Variants in FOXP1 observed in about 807,000 individuals in gnomAD.
The protein encoded by FOXP1 is forkhead box P1.
A neutral mutation model predicts 98.2 loss-of-function variants in FOXP1; 15 were observed. The observed-to-expected ratio is 0.15, with a 90% confidence interval of 0.10 to 0.24. The LOEUF is 0.24. Ranked by LOEUF, FOXP1 falls within the 10% of genes least tolerant of loss-of-function variation. The pLI is 1.00. For missense variants in FOXP1, 633 were observed against 848.5 expected (o/e 0.75, Z 3.15); for synonymous variants, 371 against 314.5 (o/e 1.18, Z -1.90).
intron 6 of FOXP1, among the ~76,000 whole-genome samples, chr3:71,154,660 T>C (rs957349284): frequency 1.3e-5 from 2 of 152,202 alleles, no homozygotes; most frequent in African/African-American, 4.8e-5. Flanking sequence ...TGTGTGACCT[T>C]GGGCAAGTCA....
chr3:71,160,163 A>G (rs1560041830), intron 6 of FOXP1, among the ~76,000 whole-genome samples: 2 of 152,146 alleles, frequency 1.3e-5, no homozygotes, highest in Non-Finnish European at 2.9e-5. Context: ...CTGGTTTTCA[A>G]TTGACACTGC....
At chr3:71,171,731 C>T (rs2061664026) in intron 6 of FOXP1, among the ~76,000 whole-genome samples, 1 of 152,240 alleles carries the variant, frequency 6.6e-6, no homozygotes, top group Admixed American at 6.5e-5. Flanking sequence ...GAGACACAGA[C>T]TGGAAAATGT....
At chr3:71,535,596 C>T (rs2044226552) in intron 2 of FOXP1, among the ~76,000 whole-genome samples, 1 of 152,150 alleles carries the variant, frequency 6.6e-6, no homozygotes, top group African/African-American at 2.4e-5. Flanking sequence ...GACGTGGTGG[C>T]GTGCACCTGT....
intron 5 of FOXP1, among the ~76,000 whole-genome samples, chr3:71,281,039 C>CCAAAA (rs1553816158): frequency 6.0e-5 from 5 of 83,542 alleles, no homozygotes; most frequent in African/African-American, 1.4e-4. Flanking sequence ...CCCTTCTCTA[C>CCAAAA]AAAAAAAAAA....
chr3:71,252,264 T>G (rs1382116834), intron 5 of FOXP1, among the ~76,000 whole-genome samples: 1 of 152,186 alleles, frequency 6.6e-6, no homozygotes, highest in Non-Finnish European at 1.5e-5. Context: ...AGAGCTTCCC[T>G]AACCCCACAC....
At chr3:71,151,145 C>T (rs1352764622) in intron 6 of FOXP1, among the ~76,000 whole-genome samples, 1 of 152,198 alleles carries the variant, frequency 6.6e-6, no homozygotes, top group Non-Finnish European at 1.5e-5. Context: ...TCATCTGAGT[C>T]TCAGCCTTCT....
intron 3 of FOXP1, among the ~76,000 whole-genome samples, chr3:71,404,154 T>C (rs544268153): frequency 9.5e-6 from 1 of 105,632 alleles, no homozygotes; most frequent in South Asian, 3.2e-4. Context: ...TGAGATGGAG[T>C]TTCGCTCTTG....
chr3:71,200,484 G>A (rs896007003), intron 5 of FOXP1, among the ~76,000 whole-genome samples: 6 of 152,180 alleles, frequency 3.9e-5, no homozygotes, highest in African/African-American at 2.4e-5. Flanking sequence ...ACCACAATGT[G>A]TATTTTTAAA....
At chr3:71,556,362 G>T (rs1047341221) in intron 2 of FOXP1, among the ~76,000 whole-genome samples, 1 of 152,050 alleles carries the variant, frequency 6.6e-6, no homozygotes. Flanking sequence ...CAGATCACGA[G>T]GTCAGGAGAT....
chr3:71,515,649 G>A (rs780482139), intron 2 of FOXP1, among the ~76,000 whole-genome samples: 12 of 151,952 alleles, frequency 7.9e-5, no homozygotes, highest in Non-Finnish European at 1.8e-4. Flanking sequence ...GGAGGAGAAA[G>A]GGAGACTTTT....
chr3:71,190,201 T>C (rs545882313), intron 6 of FOXP1, among the ~76,000 whole-genome samples: 1 of 152,320 alleles, frequency 6.6e-6, no homozygotes, highest in South Asian at 2.1e-4. Context: ...TCCATAGTTA[T>C]TCTTCGGGAT....
chr3:71,314,206 C>T (rs1241970295), intron 4 of FOXP1, among the ~76,000 whole-genome samples: 1 of 152,266 alleles, frequency 6.6e-6, no homozygotes, highest in African/African-American at 2.4e-5. Context: ...ACATCCTACA[C>T]CTCATTTCTA....
chr3:71,562,933 TC>T (rs1469136612), intron 2 of FOXP1, among the ~76,000 whole-genome samples: 6 of 152,160 alleles, frequency 3.9e-5, no homozygotes, highest in Admixed American at 1.3e-4. Context: ...ATGCAATCGC[TC>T]CCTGTTCTCA....
chr3:71,401,036 C>CT (rs1464853320), intron 3 of FOXP1, among the ~76,000 whole-genome samples: 1 of 152,150 alleles, frequency 6.6e-6, no homozygotes, highest in Non-Finnish European at 1.5e-5. Flanking sequence ...AAGACGAGTC[C>CT]TTCCGTACGG....
chr3:71,404,665 A>C (rs1016986541), intron 3 of FOXP1, among the ~76,000 whole-genome samples: 50 of 152,330 alleles, frequency 3.3e-4, no homozygotes, highest in African/African-American at 1.2e-3. Flanking sequence ...TGTTCCATAC[A>C]GCATTTCACA....
At chr3:71,565,150 G>A (rs543423897) in intron 2 of FOXP1, among the ~76,000 whole-genome samples, 1 of 152,176 alleles carries the variant, frequency 6.6e-6, no homozygotes, top group African/African-American at 2.4e-5. Context: ...GGAGTTAGGG[G>A]CTATACAGAT....
At chr3:71,490,237 C>T (rs2090966467) in intron 3 of FOXP1, among the ~76,000 whole-genome samples, 1 of 152,130 alleles carries the variant, frequency 6.6e-6, no homozygotes, top group Admixed American at 6.5e-5. Context: ...TGCCTCACAC[C>T]TGTAATCCTA....
chr3:71,536,571 CTCT>C (rs1426147516), intron 2 of FOXP1, among the ~76,000 whole-genome samples: 1 of 132,066 alleles, frequency 7.6e-6, no homozygotes, highest in African/African-American at 3.3e-5. Flanking sequence ...TAAACCATGT[CTCT>C]TTTTTTTTTT....
intron 5 of FOXP1, among the ~76,000 whole-genome samples, chr3:71,229,452 CA>C (rs2066104621): frequency 6.6e-6 from 1 of 152,110 alleles, no homozygotes; most frequent in African/African-American, 2.4e-5. Context: ...AAAAATTCCC[CA>C]ATGAAACATA....
Sources: allele counts gnomAD v4.1 joint callset (sites outside exome capture counted in the v4.1 genomes callset), GRCh38; gene constraint gnomAD v4.1.1; transcripts MANE v1.5; gene names NCBI Gene and HGNC (gene_info 2026-07-23, HGNC 2026-07-21).